Variants in TMEM17 observed in about 807,000 individuals in gnomAD.
TMEM17 encodes the protein transmembrane protein 17.
TMEM17 carries 15 observed loss-of-function variants against 19.1 expected under a neutral mutation model. The observed-to-expected ratio is 0.78, with a 90% CI of 0.52 to 1.21. The LOEUF is 1.21. Ranked by LOEUF, TMEM17 falls within the 50% of genes most tolerant of loss-of-function variation. The pLI is 0.00. For synonymous variants in TMEM17, 103 were observed against 86.9 expected, an observed-to-expected ratio of 1.19 and a Z score of -1.03; for missense variants, 245 against 242.3, an observed-to-expected ratio of 1.01 and a Z score of -0.07.
the TMEM17 span, among the ~76,000 whole-genome samples, chr2:62,472,146 A>G: frequency 4.6e-5 from 7 of 152,244 alleles, no homozygotes; most frequent in African/African-American, 1.7e-4. Context: ...TTTGGAAAAT[A>G]GGATAGGTTA....
At chr2:62,496,776 T>C (rs1040374113), downstream of TMEM17, among the ~76,000 whole-genome samples, 2 of 152,190 alleles carry the variant, frequency 1.3e-5, no homozygotes, top group Admixed American at 6.5e-5. Context: ...AAAACTTAGA[T>C]TATTTCAGAT....
At chr2:62,461,974 G>C in the TMEM17 span, among the ~76,000 whole-genome samples, 1 of 152,268 alleles carries the variant, frequency 6.6e-6, no homozygotes, top group East Asian at 1.9e-4. Flanking sequence ...GGCCCTGGCA[G>C]TCAGGCCAGT....
At chr2:62,479,321 A>G in the TMEM17 span, among the ~76,000 whole-genome samples, 2 of 152,090 alleles carry the variant, frequency 1.3e-5, no homozygotes, top group Admixed American at 1.3e-4. Context: ...ATGCAGGGAG[A>G]GTGTTTAACT....
chr2:62,497,098 A>C (rs149562179), downstream of TMEM17, among the ~76,000 whole-genome samples: 173 of 152,344 alleles, frequency 1.1e-3, 1 homozygote, highest in African/African-American at 4.1e-3. Context: ...TCTGTTTTAA[A>C]ATACAAATTA....
At chr2:62,492,058 T>C in the TMEM17 span, among the ~76,000 whole-genome samples, 3 of 152,232 alleles carry the variant, frequency 2.0e-5, no homozygotes, top group African/African-American at 7.2e-5. Flanking sequence ...TTTGCCACTT[T>C]CCTTGGCCCC....
chr2:62,453,927 A>G, the TMEM17 span, among the ~76,000 whole-genome samples: 1 of 152,356 alleles, frequency 6.6e-6, no homozygotes, highest in South Asian at 2.1e-4. Context: ...TGTAAAGTAG[A>G]TCAAGAAGAA....
the TMEM17 span, among the ~76,000 whole-genome samples, chr2:62,493,486 CT>C: frequency 6.6e-6 from 1 of 152,188 alleles, no homozygotes; most frequent in Non-Finnish European, 1.5e-5. Flanking sequence ...CCTACTTGAT[CT>C]GGGCATTACA....
the TMEM17 span, among the ~76,000 whole-genome samples, chr2:62,468,105 G>T: frequency 6.6e-6 from 1 of 152,062 alleles, no homozygotes; most frequent in Admixed American, 6.5e-5. Flanking sequence ...CAGGGGGCTG[G>T]AGTGATTCCC....
At chr2:62,475,994 C>T in the TMEM17 span, among the ~76,000 whole-genome samples, 2 of 152,210 alleles carry the variant, frequency 1.3e-5, no homozygotes, top group Non-Finnish European at 2.9e-5. Flanking sequence ...AGGGAGCCAG[C>T]TCAGTGTGTT....
At chr2:62,488,171 T>C in the TMEM17 span, among the ~76,000 whole-genome samples, 1 of 152,190 alleles carries the variant, frequency 6.6e-6, no homozygotes, top group East Asian at 1.9e-4. Context: ...TCACACAAAC[T>C]TGATCTACCT....
the TMEM17 span, among the ~76,000 whole-genome samples, chr2:62,481,250 T>C: frequency 1.3e-5 from 2 of 152,150 alleles, no homozygotes; most frequent in Non-Finnish European, 2.9e-5. Context: ...AGCTTGTTCA[T>C]TGCATATAGA....
the TMEM17 span, chr2:62,463,780 G>A: frequency 9.2e-5 from 14 of 152,280 alleles, no homozygotes; most frequent in Non-Finnish European, 1.3e-4. Flanking sequence ...CAAATGTTGC[G>A]TTTTCCTAAA....
chr2:62,483,367 G>A, the TMEM17 span, among the ~76,000 whole-genome samples: 103 of 152,282 alleles, frequency 6.8e-4, no homozygotes, highest in African/African-American at 2.4e-3. Context: ...AAGAGCGAAG[G>A]CTTTGTTTTG....
downstream of TMEM17, among the ~76,000 whole-genome samples, chr2:62,495,422 T>G (rs1431605022): frequency 1.3e-5 from 2 of 152,206 alleles, no homozygotes; most frequent in Non-Finnish European, 2.9e-5. Context: ...GCGTAAACAC[T>G]GGGGAAAAAA....
At chr2:62,486,298 T>A in the TMEM17 span, among the ~76,000 whole-genome samples, 2 of 140,728 alleles carry the variant, frequency 1.4e-5, no homozygotes, top group Admixed American at 7.2e-5. Context: ...AAAAATCAGT[T>A]TGGCTCTGAT....
chr2:62,496,418 T>G (rs1162675968), downstream of TMEM17, among the ~76,000 whole-genome samples: 2 of 152,224 alleles, frequency 1.3e-5, no homozygotes, highest in Non-Finnish European at 2.9e-5. Flanking sequence ...TATCTAATGA[T>G]AGGAGAGAAG....
At chr2:62,484,827 CA>C in the TMEM17 span, among the ~76,000 whole-genome samples, 1 of 152,046 alleles carries the variant, frequency 6.6e-6, no homozygotes, top group Non-Finnish European at 1.5e-5. Flanking sequence ...CAGCTTTGAC[CA>C]AAATGGATGG....
chr2:62,454,863 C>T, the TMEM17 span, among the ~76,000 whole-genome samples: 1,262 of 152,252 alleles, frequency 8.3e-3, 27 homozygotes, highest in African/African-American at 0.029. Context: ...GCCACCACGC[C>T]TGGATAACTT....
At chr2:62,499,551 A>G (rs1357326572), downstream of TMEM17, among the ~76,000 whole-genome samples, 1 of 152,222 alleles carries the variant, frequency 6.6e-6, no homozygotes, top group East Asian at 1.9e-4. Context: ...TGAACTTTAT[A>G]TATAATCATA....
Sources: allele counts gnomAD v4.1 joint callset (sites outside exome capture counted in the v4.1 genomes callset), GRCh38; gene constraint gnomAD v4.1.1; transcripts MANE v1.5; gene names NCBI Gene and HGNC (gene_info 2026-07-23, HGNC 2026-07-21).